The following LRFN2 variants were observed in gnomAD, a reference collection of about 807,000 sequenced individuals.
The protein encoded by LRFN2 is leucine rich repeat and fibronectin type III domain containing 2.
Under a neutral mutation model 37.3 loss-of-function variants are expected in LRFN2, and 18 were observed. That is an observed-to-expected ratio of 0.48 (90% CI 0.33 to 0.72). The LOEUF is 0.72. Among genes scored for constraint, LRFN2 ranks in the 30% least tolerant of loss-of-function variants. LRFN2 has a pLI of 0.02. For missense variants in LRFN2, 1,006 were observed against 1,060.7 expected (o/e 0.95, Z 0.72); for synonymous variants, 556 against 466.6 (o/e 1.19, Z -2.47).
intron 1 of LRFN2, among the ~76,000 whole-genome samples, chr6:40,539,305 G>C (rs562385185): frequency 2.0e-5 from 3 of 152,280 alleles, no homozygotes; most frequent in African/African-American, 4.8e-5. Flanking sequence ...TGTCTCAGAG[G>C]TACCATTTCC....
At chr6:40,491,279 A>T (rs1313830716) in intron 1 of LRFN2, among the ~76,000 whole-genome samples, 2 of 152,290 alleles carry the variant, frequency 1.3e-5, no homozygotes, top group East Asian at 3.9e-4. Flanking sequence ...CCACGAATTT[A>T]ACAATATTCC....
rs529729724 is a variant in LRFN2, at chr6:40,450,582, T to G, written c.-18-17451A>C. ...CCTGCAAGGAGGGCAAAGTGTGCAG[T>G]GTTTGTCCAGTGTCCAGCTTCATCC... On this transcript the variant is annotated intron_variant, in intron 1 of 2. Coordinates refer to ENST00000338305, the MANE Select transcript of LRFN2 (RefSeq NM_020737.3). 9.7e-4 allele frequency among the ~76,000 whole-genome samples: 147 copies of G among 152,328 alleles called. 2 individuals are homozygous for G. The South Asian group carries it at 0.011, about 12-fold the overall frequency.
intron 1 of LRFN2, among the ~76,000 whole-genome samples, chr6:40,495,996 A>G (rs190102034): frequency 8.6e-5 from 13 of 151,934 alleles, no homozygotes; most frequent in Admixed American, 7.9e-4. Context: ...CCCTCTTCTC[A>G]CTCCAAATAT....
In LRFN2 at chr6:40,540,760, G is replaced by A. The variant is rs544802124; in HGVS notation, c.-19+46181C>T. Among the ~76,000 whole-genome samples, 65 of 152,306 alleles carry A rather than the reference G, an allele frequency of 4.3e-4. No individual in the cohort carries two copies. In the South Asian group the frequency reaches 0.012, roughly 29 times the overall value. Reference sequence around the variant, plus strand: ...CACCCAGCGGTGGGGCAAGCACCCTGTCCTGGGGACACACACACCACGGCC... The same window carrying A: ...CACCCAGCGGTGGGGCAAGCACCCTATCCTGGGGACACACACACCACGGCC... On this transcript the variant is annotated intron_variant, in intron 1 of 2. Coordinates refer to ENST00000338305, the MANE Select transcript of LRFN2 (RefSeq NM_020737.3).
At chr6:40,469,008 AT>A (rs986581072) in intron 1 of LRFN2, among the ~76,000 whole-genome samples, 4 of 152,198 alleles carry the variant, frequency 2.6e-5, no homozygotes, top group African/African-American at 9.7e-5. Context: ...ATGTGTCCTT[AT>A]CTAAAAAAAG....
chr6:40,571,387 G>A (rs942741368), intron 1 of LRFN2, among the ~76,000 whole-genome samples: 5 of 152,168 alleles, frequency 3.3e-5, no homozygotes, highest in African/African-American at 9.7e-5. Flanking sequence ...AGAGGATGCT[G>A]CACCACTCCA....
rs755709591 is a variant in LRFN2, at chr6:40,507,079, C to T, written c.-18-73948G>A. Reference sequence around the variant, plus strand: ...GTGCTTAAATGGTATTGATTGTTTCCGCTCCCCGCGTGGATGACGTCCTCC... The same window carrying T: ...GTGCTTAAATGGTATTGATTGTTTCTGCTCCCCGCGTGGATGACGTCCTCC... On this transcript the variant is annotated intron_variant, in intron 1 of 2. Coordinates refer to ENST00000338305, the MANE Select transcript of LRFN2 (RefSeq NM_020737.3). Among the ~76,000 whole-genome samples the T allele has an allele frequency of 2.6e-5, 4 of 152,116 alleles. No homozygotes were observed. In the East Asian group the frequency reaches 5.8e-4, roughly 22 times the overall value.
intron 1 of LRFN2, among the ~76,000 whole-genome samples, chr6:40,437,108 A>T (rs569481872): frequency 1.3e-5 from 2 of 152,178 alleles, no homozygotes; most frequent in South Asian, 4.2e-4. Flanking sequence ...GCTAAACAGC[A>T]CTTCCCAACA....
intron 1 of LRFN2, among the ~76,000 whole-genome samples, chr6:40,471,518 G>T (rs1432746067): frequency 3.3e-5 from 5 of 152,192 alleles, no homozygotes; most frequent in Admixed American, 6.5e-5. Context: ...TTCAGCCCTA[G>T]AGCCAGCTGG....
At chr6:40,433,362 T>A (rs903340835) in intron 1 of LRFN2, among the ~76,000 whole-genome samples, 1 of 152,246 alleles carries the variant, frequency 6.6e-6, no homozygotes, top group African/African-American at 2.4e-5. Flanking sequence ...TTTATGATGT[T>A]TATTTATTGT....
Position 40,433,006 on chromosome 6 carries a change from G to A in LRFN2, c.108C>T (p.Thr36=). The A allele has an allele frequency of 6.2e-7, 1 of 1,608,166 alleles. No homozygotes were observed. Among genetic ancestry groups the A allele is most frequent in the Non-Finnish European group, 8.5e-7 (1 of 1,176,756 alleles). The stretch of plus-strand genomic sequence containing the variant: ...AGAGCAGCCCCTTGGAGGGGCACAG[G>A]GTCCCCAGTGACTCAGACAGATTCT... The part of the protein sequence containing the change: ...VCQNLSESLG[T]LCPSKGLLFV... The change falls in exon 2 of 3, where the codon ACC becomes ACT. Residue 36 remains threonine (T), a synonymous_variant. Coordinates refer to ENST00000338305, the MANE Select transcript of LRFN2 (RefSeq NM_020737.3).
intron 1 of LRFN2, among the ~76,000 whole-genome samples, chr6:40,543,461 A>C (rs568155681): frequency 6.6e-6 from 1 of 152,152 alleles, no homozygotes; most frequent in Non-Finnish European, 1.5e-5. Context: ...TCCCCACTCC[A>C]ACTTCTTCCT....
chr6:40,439,164 C>G (rs1763770213), intron 1 of LRFN2, among the ~76,000 whole-genome samples: 1 of 152,146 alleles, frequency 6.6e-6, no homozygotes, highest in African/African-American at 2.4e-5. Flanking sequence ...TGTGATATCT[C>G]TGTACCCTGA....
chr6:40,458,335 G>A (rs1374746964), intron 1 of LRFN2, among the ~76,000 whole-genome samples: 1 of 152,196 alleles, frequency 6.6e-6, no homozygotes, highest in Non-Finnish European at 1.5e-5. Context: ...GCAGTGATAA[G>A]CCTCACACAT....
At chr6:40,573,886 G>A (rs1289696123) in intron 1 of LRFN2, among the ~76,000 whole-genome samples, 1 of 152,194 alleles carries the variant, frequency 6.6e-6, no homozygotes, top group Admixed American at 6.5e-5. Context: ...ACTTGAACCT[G>A]GGAGGCAGAG....
rs772101412 is a variant in LRFN2, at chr6:40,392,521, C to T, written c.1792G>A (p.Gly598Ser). 19 of 1,590,580 alleles carry T rather than the reference C, an allele frequency of 1.2e-5. No homozygotes were observed. Among genetic ancestry groups the T allele is most frequent in the Non-Finnish European group, 1.6e-5 (19 of 1,171,072 alleles). Residue 598 changes from glycine (G) to serine (S), a missense_variant, in exon 3 of 3, where the codon GGC becomes AGC. Transcript: ENST00000338305. This position sits in a 1 kb window ranked among gnomAD's most constrained non-coding sequence, Gnocchi z 4.7. ...TTGCGCACCACCACCTTCGGCGGGC[C>T]CTGCGGCGGGGCCCCGGCTGGTGCG... ...SSAPAGAPPQGPPKVVVRNEL... is the reference protein window; with the variant it reads ...SSAPAGAPPQSPPKVVVRNEL...
chr6:40,562,833 A>G (rs1356847588), intron 1 of LRFN2, among the ~76,000 whole-genome samples: 1 of 135,344 alleles, frequency 7.4e-6, no homozygotes, highest in African/African-American at 3.1e-5. Flanking sequence ...GCGTGCACTC[A>G]CTCACACACA....
At chr6:40,448,102 G>A (rs567113142) in intron 1 of LRFN2, among the ~76,000 whole-genome samples, 61 of 152,288 alleles carry the variant, frequency 4.0e-4, no homozygotes, top group African/African-American at 1.2e-3. Flanking sequence ...GACCGGGAGC[G>A]TGGGTCCTCC....
At chr6:40,407,541 C>G (rs556359972) in intron 2 of LRFN2, among the ~76,000 whole-genome samples, 1 of 152,350 alleles carries the variant, frequency 6.6e-6, no homozygotes, top group African/African-American at 2.4e-5. Flanking sequence ...ATGGCGATGA[C>G]TACAATGATG....
Sources: allele counts gnomAD v4.1 joint callset (sites outside exome capture counted in the v4.1 genomes callset), GRCh38; gene constraint gnomAD v4.1.1; non-coding constraint Gnocchi (gnomAD v3.1); transcripts MANE v1.5; gene names NCBI Gene and HGNC (gene_info 2026-07-23, HGNC 2026-07-21).